The following TIAM1 variants were observed in gnomAD, a reference collection of about 807,000 sequenced individuals.
TIAM1 encodes the protein TIAM Rac1 associated GEF 1.
TIAM1 carries 65 observed loss-of-function variants against 163.5 expected under a neutral mutation model. That is an observed-to-expected ratio of 0.40 (90% confidence interval 0.33 to 0.49). TIAM1 has a LOEUF of 0.49. TIAM1 is among the 20% of genes least tolerant of loss of function. The pLI is 0.77. For synonymous variants in TIAM1, 833 were observed against 810.1 expected (o/e 1.03, Z -0.48); for missense variants, 1,789 against 2,044.7 (o/e 0.87, Z 2.41).
At chr21:31,224,147 C>T (rs1364151166) in intron 7 of TIAM1, among the ~76,000 whole-genome samples, 2 of 152,114 alleles carry the variant, frequency 1.3e-5, no homozygotes, top group Non-Finnish European at 2.9e-5. Flanking sequence ...ATAATAACTA[C>T]CTCCTTAGGC....
chr21:31,207,010 C>T (rs1301501320), intron 11 of TIAM1, among the ~76,000 whole-genome samples: 1 of 152,150 alleles, frequency 6.6e-6, no homozygotes, highest in African/African-American at 2.4e-5. Flanking sequence ...GTAACCTTTT[C>T]TTTCTCTAAA....
At chr21:31,478,954 G>A (rs1408516843) in intron 1 of TIAM1, among the ~76,000 whole-genome samples, 1 of 152,240 alleles carries the variant, frequency 6.6e-6, no homozygotes, top group Non-Finnish European at 1.5e-5. Context: ...AGAGCCAACT[G>A]CTAAATTAGA....
At chr21:31,268,506 C>T (rs2072902176) in intron 3 of TIAM1, among the ~76,000 whole-genome samples, 1 of 152,214 alleles carries the variant, frequency 6.6e-6, no homozygotes, top group Non-Finnish European at 1.5e-5. Context: ...GGGAAACCCT[C>T]CATTGAATGT....
At chr21:31,348,156 C>T (rs1242704464), upstream of TIAM1, among the ~76,000 whole-genome samples, 3 of 152,142 alleles carry the variant, frequency 2.0e-5, no homozygotes, top group Non-Finnish European at 4.4e-5. Context: ...TTTCAAATTG[C>T]ATTCTCAGTG....
At chr21:31,131,205 G>A (rs951687123) in intron 23 of TIAM1, among the ~76,000 whole-genome samples, 26 of 152,214 alleles carry the variant, frequency 1.7e-4, no homozygotes, top group Admixed American at 5.2e-4. Flanking sequence ...AAACTTTTGC[G>A]TAAAATATGT....
chr21:31,154,991 A>G (rs1391945745), intron 16 of TIAM1, among the ~76,000 whole-genome samples: 1 of 152,204 alleles, frequency 6.6e-6, no homozygotes, highest in African/African-American at 2.4e-5. Flanking sequence ...CTAGATTAAG[A>G]AAGATACCCA....
intron 2 of TIAM1, among the ~76,000 whole-genome samples, chr21:31,338,495 C>T (rs1037651444): frequency 2.6e-5 from 4 of 152,156 alleles, no homozygotes; most frequent in Non-Finnish European, 5.9e-5. Flanking sequence ...TAGAAAGCCC[C>T]TTTTGGTCTA....
At chr21:31,349,842 C>G (rs746375909) in intron 2 of TIAM1, among the ~76,000 whole-genome samples, 2 of 152,154 alleles carry the variant, frequency 1.3e-5, no homozygotes, top group Admixed American at 6.6e-5. Flanking sequence ...CTCTGCCTAC[C>G]CTTCGGTAAA....
chr21:31,334,250 C>G (rs947332118), intron 2 of TIAM1, among the ~76,000 whole-genome samples: 1 of 151,612 alleles, frequency 6.6e-6, no homozygotes, highest in Admixed American at 6.6e-5. Flanking sequence ...CAGCCCTCCC[C>G]ACCTGGGTGC....
intron 13 of TIAM1, among the ~76,000 whole-genome samples, chr21:31,193,154 G>A (rs997979780): frequency 2.0e-5 from 3 of 152,172 alleles, no homozygotes; most frequent in South Asian, 4.1e-4. Context: ...ATTTAACTCC[G>A]CCAGAATGTA....
At chr21:31,212,207 G>A (rs566206535) in intron 10 of TIAM1, among the ~76,000 whole-genome samples, 1 of 152,072 alleles carries the variant, frequency 6.6e-6, no homozygotes. Context: ...GCCTTCCCAT[G>A]GCCACTCTTC....
intron 2 of TIAM1, among the ~76,000 whole-genome samples, chr21:31,440,022 G>T (rs1458219247): frequency 6.6e-6 from 1 of 152,118 alleles, no homozygotes; most frequent in Non-Finnish European, 1.5e-5. Context: ...ACCTCTCTGT[G>T]TCTCAGTTTC....
At chr21:31,373,810 T>C (rs934364246) in intron 2 of TIAM1, among the ~76,000 whole-genome samples, 7 of 152,102 alleles carry the variant, frequency 4.6e-5, no homozygotes, top group Admixed American at 1.3e-4. Context: ...TAGCCATGCG[T>C]CTACATAAAT....
At chr21:31,450,606 T>TA (rs1409163570) in intron 2 of TIAM1, among the ~76,000 whole-genome samples, 3 of 152,132 alleles carry the variant, frequency 2.0e-5, no homozygotes, top group South Asian at 2.1e-4. Flanking sequence ...AGAGTTGTGT[T>TA]AGTCTGTTTT....
At chr21:31,521,745 A>ACACACACACACACAC (rs2047595411) in intron 1 of TIAM1, among the ~76,000 whole-genome samples, 8 of 146,972 alleles carry the variant, frequency 5.4e-5, no homozygotes, top group Non-Finnish European at 1.2e-4. Context: ...CTCACACACA[A>ACACACACACACACAC]ACACACACAC....
chr21:31,126,347 C>T (rs1170571869), intron 26 of TIAM1, among the ~76,000 whole-genome samples: 4 of 152,022 alleles, frequency 2.6e-5, no homozygotes, highest in African/African-American at 4.8e-5. Flanking sequence ...GGCAGGCAGA[C>T]CACGATGTCA....
chr21:31,484,677 C>T (rs2046216510), intron 1 of TIAM1, among the ~76,000 whole-genome samples: 1 of 152,194 alleles, frequency 6.6e-6, no homozygotes, highest in South Asian at 2.1e-4. Context: ...CCTGCTCCTC[C>T]AGGAAGGGAG....
chr21:31,288,649 C>T (rs1329029357), intron 2 of TIAM1, among the ~76,000 whole-genome samples: 4 of 152,104 alleles, frequency 2.6e-5, no homozygotes, highest in African/African-American at 9.7e-5. Flanking sequence ...AAACTTAGAT[C>T]AGGGAGGATA....
intron 2 of TIAM1, among the ~76,000 whole-genome samples, chr21:31,308,775 A>G (rs2074814106): frequency 6.6e-6 from 1 of 152,186 alleles, no homozygotes; most frequent in African/African-American, 2.4e-5. Flanking sequence ...AACAGACGCC[A>G]GGACAAGGAG....
Sources: gnomAD v4.1 joint callset for allele counts (sites outside exome capture counted in the v4.1 genomes callset) on GRCh38, gnomAD v4.1.1 for gene constraint, MANE v1.5 for transcripts, NCBI Gene and HGNC (gene_info 2026-07-23, HGNC 2026-07-21) for gene names.